NHLRC2: variants seen among roughly 807,000 people sequenced by gnomAD.
NHLRC2 encodes NHL repeat-containing protein 2.
A neutral mutation model predicts 68.1 loss-of-function variants in NHLRC2; 33 were observed. The observed-to-expected ratio is 0.48, with a 90% confidence interval of 0.37 to 0.65. The LOEUF (loss-of-function observed/expected upper bound fraction) is 0.65. NHLRC2 is among the 30% of genes least tolerant of loss of function. The pLI is 0.00. For synonymous variants in NHLRC2, 311 were observed against 309.6 expected (o/e 1.00, Z -0.05); for missense variants, 761 against 853.8 (o/e 0.89, Z 1.35).
rs78571661 is a variant in NHLRC2, at chr10:113,875,912, C to CT, written c.332-594dup. Among the ~76,000 whole-genome samples the CT allele has an allele frequency of 8.1e-3, 1,081 of 132,672 alleles. 7 individuals are homozygous for CT. Among genetic ancestry groups the CT allele is most frequent in the African/African-American group, 0.019 (692 of 36,960 alleles). The allele number at this position is 132,672 out of a possible 152,430, so 87.0% of individuals were successfully genotyped here. Reference sequence around the variant, plus strand: ...TTTTTTCACTGAATCCAGCCAAACACTTTTTTTTTTTTTTTGGTACTAATT... The same window carrying CT: ...TTTTTTCACTGAATCCAGCCAAACACTTTTTTTTTTTTTTTTGGTACTAATT... On this transcript the variant is annotated intron_variant, in intron 2 of 10. Coordinates refer to ENST00000369301, the MANE Select transcript of NHLRC2 (RefSeq NM_198514.4).
chr10:113,860,974 C>G, intron 2 of NHLRC2, among the ~76,000 whole-genome samples: 1 of 152,188 alleles, frequency 6.6e-6, no homozygotes, highest in East Asian at 1.9e-4. Flanking sequence ...TCATAACTTT[C>G]TAAATCCTAA....
At chr10:113,879,282 T>C (rs1055973237) in intron 3 of NHLRC2, among the ~76,000 whole-genome samples, 8 of 152,134 alleles carry the variant, frequency 5.3e-5, no homozygotes, top group Non-Finnish European at 8.8e-5. Context: ...TGTTGAACAA[T>C]TGGAGTTATT....
intron 4 of NHLRC2, among the ~76,000 whole-genome samples, chr10:113,882,903 C>T (rs1846047782): frequency 2.6e-5 from 4 of 151,454 alleles, no homozygotes. Context: ...CATTCTTTTA[C>T]ATGTGGATAT....
At chr10:113,880,779 G>A (rs1406747150) in intron 4 of NHLRC2, among the ~76,000 whole-genome samples, 1 of 151,902 alleles carries the variant, frequency 6.6e-6, no homozygotes, top group Non-Finnish European at 1.5e-5. Flanking sequence ...ATATTTGTTG[G>A]ATGAATTTAT....
At chr10:113,907,155 A>G (rs898972455) in intron 10 of NHLRC2, among the ~76,000 whole-genome samples, 2 of 152,236 alleles carry the variant, frequency 1.3e-5, no homozygotes, top group Non-Finnish European at 2.9e-5. Context: ...TTTTGTACTT[A>G]TCTCTCTAGA....
Position 113,876,574 on chromosome 10 carries a change from CTGGATAACATTAAGAG to C in NHLRC2, c.388_403del (p.Asp130LeufsTer23). Reference sequence around the variant, plus strand: ...GGCTAAGTTTCCAAATGAAAAAGTCCTGGATAACATTAAGAGTGCTGTTCTTCGATACAACATCACC... The same window carrying C: ...GGCTAAGTTTCCAAATGAAAAAGTCCTGCTGTTCTTCGATACAACATCACC... On this transcript the variant is annotated frameshift_variant, in exon 3 of 11. Coordinates refer to ENST00000369301, the MANE Select transcript of NHLRC2 (RefSeq NM_198514.4). LOFTEE classifies it high-confidence loss of function. The C allele has an allele frequency of 6.2e-7, 1 of 1,611,720 alleles. No individual in the cohort carries two copies.
chr10:113,889,492 T>TTA (rs1444350158), intron 5 of NHLRC2, among the ~76,000 whole-genome samples: 1 of 152,164 alleles, frequency 6.6e-6, no homozygotes, highest in East Asian at 1.9e-4. Context: ...TTAAAATAAG[T>TTA]TATATCTTTA....
At chr10:113,885,709 A>C (rs940979469) in intron 5 of NHLRC2, among the ~76,000 whole-genome samples, 2 of 152,058 alleles carry the variant, frequency 1.3e-5, no homozygotes, top group Non-Finnish European at 2.9e-5. Context: ...GTGATAAAAG[A>C]AAGTTACAGA....
At chr10:113,866,973 T>C (rs1845873472) in intron 2 of NHLRC2, among the ~76,000 whole-genome samples, 2 of 152,292 alleles carry the variant, frequency 1.3e-5, no homozygotes, top group Non-Finnish European at 2.9e-5. Flanking sequence ...AGCCATGTGT[T>C]GTGACAGCAC....
At position 113,911,449 on chromosome 10, in the gene NHLRC2, T is replaced by G. The variant is rs548208290; in HGVS notation, c.*2913T>G. 6.6e-6 allele frequency: 1 copy of G among 152,034 alleles called. No individual in the cohort carries two copies. The highest frequency in any genetic ancestry group is 2.4e-5 in the African/African-American group (1 of 41,382). 9.4% of individuals were successfully genotyped at this position (152,034 alleles called of 1,614,324 possible). On this transcript the variant is annotated 3_prime_UTR_variant, in exon 11 of 11. Transcript: ENST00000369301. ...TATTTAGTTATAATATTATCAAACC[T>G]TCAGAAAGTTATAAATCCTAACAGC...
chr10:113,868,021 C>G (rs1347574311), intron 2 of NHLRC2, among the ~76,000 whole-genome samples: 1 of 152,166 alleles, frequency 6.6e-6, no homozygotes, highest in Non-Finnish European at 1.5e-5. Flanking sequence ...CAAGGTCTCA[C>G]TCTGTTGCCT....
chr10:113,916,369 T>C lies in NHLRC2; in HGVS notation c.*7833T>C, dbSNP rs1405243053. 6.6e-6 allele frequency: 1 copy of C among 152,182 alleles called. No individual in the cohort carries two copies. The highest frequency in any genetic ancestry group is 1.5e-5 in the Non-Finnish European group (1 of 68,026). The allele number at this position is 152,182 out of a possible 1,614,324, so 9.4% of individuals were successfully genotyped here. On this transcript the variant is annotated 3_prime_UTR_variant, in exon 11 of 11. Transcript: ENST00000369301. ...TAGAAGTTTCAGTGAGAAATTATGG[T>C]TATATAAATAACAGATATGGCAGAA...
At chr10:113,878,094 T>G (rs1846001490) in intron 3 of NHLRC2, among the ~76,000 whole-genome samples, 1 of 152,202 alleles carries the variant, frequency 6.6e-6, no homozygotes, top group Non-Finnish European at 1.5e-5. Context: ...CAGTTATTCT[T>G]TAATTTTTAA....
intron 10 of NHLRC2, 81 bp downstream of exon 10, chr10:113,905,117 A>T (rs530059201): frequency 2.6e-6 from 2 of 767,164 alleles, no homozygotes; most frequent in Non-Finnish European, 4.0e-6. Flanking sequence ...GTTAGGTGAT[A>T]TTTTTACTCT....
At chr10:113,876,999 A>T in intron 3 of NHLRC2, 23 bp downstream of exon 3, 1 of 1,373,402 alleles carries the variant, frequency 7.3e-7, no homozygotes, top group South Asian at 1.3e-5. Context: ...TCTGATTACG[A>T]TAGATAACGT....
intron 4 of NHLRC2, among the ~76,000 whole-genome samples, chr10:113,881,708 A>C (rs914230220): frequency 6.6e-6 from 1 of 151,748 alleles, no homozygotes; most frequent in Non-Finnish European, 1.5e-5. Context: ...TTATTGTGCT[A>C]TATTTTATGT....
Position 113,913,391 on chromosome 10 carries a change from T to G in NHLRC2, c.*4855T>G, listed in dbSNP as rs954567153. 8.5e-5 allele frequency: 13 copies of G among 152,226 alleles called. No homozygotes were observed. Among genetic ancestry groups the G allele is most frequent in the Non-Finnish European group, 1.3e-4 (9 of 68,042 alleles). 9.4% of individuals were successfully genotyped at this position (152,226 alleles called of 1,614,324 possible). A position where few individuals can be genotyped will look rare whatever the true frequency, so the allele number is the denominator to read the frequency against. Reference sequence around the variant, plus strand: ...ACAACTTTGCATTATATACTGTTATTCAGACCTTGGAACAGTCTATAATTG... The same window carrying G: ...ACAACTTTGCATTATATACTGTTATGCAGACCTTGGAACAGTCTATAATTG... On this transcript the variant is annotated 3_prime_UTR_variant, in exon 11 of 11. Coordinates refer to ENST00000369301, the MANE Select transcript of NHLRC2 (RefSeq NM_198514.4).
At chr10:113,860,620 G>A (rs574476624) in intron 2 of NHLRC2, among the ~76,000 whole-genome samples, 21 of 152,140 alleles carry the variant, frequency 1.4e-4, no homozygotes, top group Admixed American at 3.9e-4. Context: ...ATGAGACAAA[G>A]ACTTTAAAAC....
intron 5 of NHLRC2, among the ~76,000 whole-genome samples, chr10:113,893,720 T>G (rs1846152731): frequency 6.6e-6 from 1 of 152,112 alleles, no homozygotes; most frequent in Admixed American, 6.5e-5. Flanking sequence ...AGCTTTTGCC[T>G]TATTATAGTA....
Sources: allele counts gnomAD v4.1 joint callset (sites outside exome capture counted in the v4.1 genomes callset), GRCh38; gene constraint gnomAD v4.1.1; transcripts MANE v1.5; gene names NCBI Gene and HGNC (gene_info 2026-07-23, HGNC 2026-07-21).